ASB5: variants seen among roughly 807,000 people sequenced by gnomAD.
The protein encoded by ASB5 is ankyrin repeat and SOCS box protein 5.
Under a neutral mutation model 42.1 loss-of-function variants are expected in ASB5, and 45 were observed. The observed-to-expected ratio is 1.07, with a 90% CI of 0.84 to 1.37. The LOEUF (loss-of-function observed/expected upper bound fraction) is 1.37, where lower values mean the gene tolerates loss of function less well. Among genes scored for constraint, ASB5 ranks in the 40% most tolerant of loss-of-function variants. The probability of loss-of-function intolerance (pLI) is 0.00; values close to 1 mark genes in which losing one functional copy is unlikely to be tolerated. For synonymous variants in ASB5, 147 were observed against 150.6 expected (o/e 0.98, Z 0.18); for missense variants, 402 against 399.8 (o/e 1.01, Z -0.05).
intron 1 of ASB5, among the ~76,000 whole-genome samples, chr4:176,248,487 CAGA>C (rs1324659263): frequency 2.0e-5 from 3 of 152,084 alleles, no homozygotes. Context: ...GGTTTCACCA[CAGA>C]TACAGCCACA....
At chr4:176,226,630 T>G (rs1315899843) in intron 1 of ASB5, among the ~76,000 whole-genome samples, 1 of 152,156 alleles carries the variant, frequency 6.6e-6, no homozygotes, top group East Asian at 1.9e-4. Context: ...CTAATACACC[T>G]GACAGAGAAA....
At chr4:176,241,481 A>G in intron 1 of ASB5, 1 of 1,535,422 alleles carries the variant, frequency 6.5e-7, no homozygotes, top group Non-Finnish European at 8.7e-7. Flanking sequence ...CCAAATTTCC[A>G]CCATTGCAAA....
intron 1 of ASB5, among the ~76,000 whole-genome samples, chr4:176,267,426 A>G (rs1457673313): frequency 6.6e-6 from 1 of 151,958 alleles, no homozygotes; most frequent in African/African-American, 2.4e-5. Flanking sequence ...GGAGTTTGAG[A>G]CCACCTTAGG....
chr4:176,266,475 T>C (rs1287892200), intron 1 of ASB5, among the ~76,000 whole-genome samples: 2 of 152,078 alleles, frequency 1.3e-5, no homozygotes, highest in East Asian at 1.9e-4. Flanking sequence ...AAATAAAAAA[T>C]AGTTTACTTA....
chr4:176,244,627 G>A (rs1753873871), intron 1 of ASB5, among the ~76,000 whole-genome samples: 1 of 152,084 alleles, frequency 6.6e-6, no homozygotes, highest in Admixed American at 6.6e-5. Flanking sequence ...GATGACCCAG[G>A]GGTTGGGCCT....
chr4:176,231,762 G>T (rs757924212), intron 1 of ASB5, among the ~76,000 whole-genome samples: 3 of 151,816 alleles, frequency 2.0e-5, no homozygotes, highest in Non-Finnish European at 2.9e-5. Flanking sequence ...TGAGAAGATC[G>T]CTAGAGCCCG....
At chr4:176,219,210 C>T (rs866462619) in intron 5 of ASB5, among the ~76,000 whole-genome samples, 30 of 111,806 alleles carry the variant, frequency 2.7e-4, no homozygotes, top group African/African-American at 7.2e-4. Context: ...ATTTGTATGA[C>T]AGATAAATAT....
intron 1 of ASB5, among the ~76,000 whole-genome samples, chr4:176,238,051 G>A (rs900112977): frequency 2.0e-5 from 3 of 152,022 alleles, no homozygotes. Context: ...GTGAAACCCC[G>A]TCTTTACTAA....
rs1199076356 is a variant in ASB5, at chr4:176,251,372, C to G, written c.196+17541G>C. Among the ~76,000 whole-genome samples the G allele has an allele frequency of 2.9e-5, 2 of 70,072 alleles. 1 individual carries two copies. Among genetic ancestry groups the G allele is most frequent in the African/African-American group, 9.2e-5 (2 of 21,668 alleles). The allele number at this position is 70,072 out of a possible 152,430, so 46.0% of individuals were successfully genotyped here. ...GGTCAGGAGATCGAGACCATCCCGGCTAAAATGGTGAAACCCCGTCTCTAC... is the reference window on the plus strand; with the variant it reads ...GGTCAGGAGATCGAGACCATCCCGGGTAAAATGGTGAAACCCCGTCTCTAC... On this transcript the variant is annotated intron_variant, in intron 1 of 6. Transcript: ENST00000296525.
At chr4:176,230,772 C>A in intron 1 of ASB5, among the ~76,000 whole-genome samples, 1 of 152,174 alleles carries the variant, frequency 6.6e-6, no homozygotes. Context: ...TACGAGCCAT[C>A]TCAAGACCAA....
chr4:176,241,728 A>T, intron 1 of ASB5: 3 of 1,198,230 alleles, frequency 2.5e-6, no homozygotes, highest in Non-Finnish European at 3.2e-6. Context: ...TTGGAAAAAA[A>T]ATTGAGCAGT....
intron 1 of ASB5, among the ~76,000 whole-genome samples, chr4:176,232,262 A>C (rs1753569071): frequency 6.6e-6 from 1 of 151,880 alleles, no homozygotes; most frequent in African/African-American, 2.4e-5. Flanking sequence ...AGCTAGGATT[A>C]CAGACATGTG....
rs777069810 is a variant in ASB5, at chr4:176,225,269, A to G, written c.269T>C (p.Leu90Ser). 1.7e-5 allele frequency: 28 copies of G among 1,611,738 alleles called. No homozygotes were observed. The highest frequency in any genetic ancestry group is 2.4e-5 in the Non-Finnish European group (28 of 1,177,810). ...CTATATGTAATATATTACCTGTGAT[A>G]ATAATGTTCTCAGAGCAAGAAGGCG... ...QGRLLALRTL[L>S]SQGYNVNAVT... The change falls in exon 2 of 7, where the codon TTA becomes TCA. Residue 90 changes from leucine (L) to serine (S), a missense_variant. Coordinates refer to ENST00000296525, the MANE Select transcript of ASB5 (RefSeq NM_080874.4).
At chr4:176,228,296 C>T (rs1479193763) in intron 1 of ASB5, among the ~76,000 whole-genome samples, 1 of 151,846 alleles carries the variant, frequency 6.6e-6, no homozygotes, top group Non-Finnish European at 1.5e-5. Context: ...TCCCTGATGT[C>T]GAGAGAAAAA....
intron 1 of ASB5, among the ~76,000 whole-genome samples, chr4:176,228,274 A>C (rs973155314): frequency 1.3e-5 from 2 of 152,186 alleles, no homozygotes; most frequent in African/African-American, 4.8e-5. Context: ...CCTTTCAGCA[A>C]ATTTCTTCTG....
At chr4:176,219,210 C>A (rs866462619) in intron 5 of ASB5, among the ~76,000 whole-genome samples, 3 of 111,850 alleles carry the variant, frequency 2.7e-5, no homozygotes, top group Non-Finnish European at 4.9e-5. Context: ...ATTTGTATGA[C>A]AGATAAATAT....
At chr4:176,272,945 T>TA (rs1307100910), upstream of ASB5, among the ~76,000 whole-genome samples, 4 of 146,816 alleles carry the variant, frequency 2.7e-5, no homozygotes, top group African/African-American at 1.0e-4. Context: ...GATGACCTTT[T>TA]TTTTTTTTTT....
chr4:176,268,911 A>G lies in ASB5; in HGVS notation c.196+2T>C. ...AACAAGAGAGGATTATCATAAACATACCTTGTCCTTGGGTTACTCCATAAA... is the reference window on the plus strand; with the variant it reads ...AACAAGAGAGGATTATCATAAACATGCCTTGTCCTTGGGTTACTCCATAAA... On this transcript the variant is annotated splice_donor_variant, in intron 1 of 6. Coordinates refer to ENST00000296525, the MANE Select transcript of ASB5 (RefSeq NM_080874.4). LOFTEE classifies it high-confidence loss of function. 1.2e-6 allele frequency: 2 copies of G among 1,605,066 alleles called. No homozygotes were observed.
intron 1 of ASB5, among the ~76,000 whole-genome samples, chr4:176,256,659 C>T (rs1294176373): frequency 6.6e-6 from 1 of 152,052 alleles, no homozygotes; most frequent in African/African-American, 2.4e-5. Flanking sequence ...CTATGTTTTG[C>T]CAGGCGTGGT....
Sources: gnomAD v4.1 joint callset for allele counts (sites outside exome capture counted in the v4.1 genomes callset) on GRCh38, gnomAD v4.1.1 for gene constraint, MANE v1.5 for transcripts, NCBI Gene and HGNC (gene_info 2026-07-23, HGNC 2026-07-21) for gene names.